Variants in TGM3 observed in about 807,000 individuals in gnomAD.
TGM3 encodes transglutaminase 3.
A neutral mutation model predicts 73.8 loss-of-function variants in TGM3; 52 were observed. The observed-to-expected ratio is 0.70, with a 90% CI of 0.56 to 0.89. The LOEUF (loss-of-function observed/expected upper bound fraction) is 0.89. Ranked by LOEUF, TGM3 falls within the 40% of genes least tolerant of loss-of-function variation. The pLI is 0.00. For missense variants in TGM3, 928 were observed against 909.9 expected, an observed-to-expected ratio of 1.02 and a Z score of -0.26; for synonymous variants, 372 against 354.9, an observed-to-expected ratio of 1.05 and a Z score of -0.54.
At chr20:2,305,305 G>A (rs1380390663) in intron 1 of TGM3, among the ~76,000 whole-genome samples, 2 of 152,204 alleles carry the variant, frequency 1.3e-5, no homozygotes, top group Non-Finnish European at 2.9e-5. Flanking sequence ...CTATCCAGGA[G>A]CTGCCAGTAC....
rs116336942 is a variant in TGM3 at position 2,333,635 on chromosome 20, A to C, written c.1642+1325A>C. On this transcript the variant is annotated intron_variant, in intron 10 of 12. Transcript: ENST00000381458. ...AGTCTCAAACTCCTGGCCTCAAGCA[A>C]TTTTCCCGCCTTGGCTTCCCAAAGT... Among the ~76,000 whole-genome samples, 744 of 152,172 alleles carry C rather than the reference A, an allele frequency of 4.9e-3. 4 individuals are homozygous for C. The highest frequency in any genetic ancestry group is 0.016 in the African/African-American group (681 of 41,502).
Position 2,297,700 on chromosome 20 carries a change from T to C in TGM3, c.7+1630T>C, listed in dbSNP as rs186845444. On this transcript the variant is annotated intron_variant, in intron 1 of 12. Coordinates refer to ENST00000381458, the MANE Select transcript of TGM3 (RefSeq NM_003245.4). ...GAATACATTCAGTCCCTTAAATTTGTCCCACTTGCAGTTCCCAGCTCAGCT... is the reference window on the plus strand; with the variant it reads ...GAATACATTCAGTCCCTTAAATTTGCCCCACTTGCAGTTCCCAGCTCAGCT... Among the ~76,000 whole-genome samples, 19 of 152,246 alleles carry C rather than the reference T, an allele frequency of 1.2e-4. No individual in the cohort carries two copies. The East Asian group carries it at 3.3e-3, about 26-fold the overall frequency.
intron 8 of TGM3, among the ~76,000 whole-genome samples, chr20:2,327,072 T>C (rs1444647452): frequency 4.6e-5 from 7 of 152,142 alleles, no homozygotes; most frequent in African/African-American, 1.7e-4. Context: ...TTAGTGGTTA[T>C]AAAATCTAGT....
At position 2,308,788 on chromosome 20, in the gene TGM3, G is replaced by A. The variant is rs182923482; in HGVS notation, c.8-869G>A. Among the ~76,000 whole-genome samples the A allele has an allele frequency of 1.4e-3, 216 of 152,156 alleles. 2 individuals carry two copies. Among genetic ancestry groups the A allele is most frequent in the South Asian group, 6.9e-3 (33 of 4,814 alleles). ...AACATTTGCTGGATACTGGAGAGGC[G>A]AAACATGCTTGGTGTCTGGGGACAC... On this transcript the variant is annotated intron_variant, in intron 1 of 12. Transcript: ENST00000381458.
chr20:2,309,351 A>G (rs1322944656), intron 1 of TGM3, among the ~76,000 whole-genome samples: 5 of 152,164 alleles, frequency 3.3e-5, no homozygotes, highest in Non-Finnish European at 7.4e-5. Flanking sequence ...GGAGGGGGGA[A>G]AGACACTCTC....
intron 7 of TGM3, among the ~76,000 whole-genome samples, chr20:2,321,531 G>T (rs1311190781): frequency 6.6e-6 from 1 of 152,162 alleles, no homozygotes; most frequent in Non-Finnish European, 1.5e-5. Flanking sequence ...GATTTCAAAG[G>T]TAAGCATAGC....
At chr20:2,311,558 C>T (rs6113662) in intron 4 of TGM3, among the ~76,000 whole-genome samples, 1 of 152,154 alleles carries the variant, frequency 6.6e-6, no homozygotes, top group Admixed American at 6.5e-5. Flanking sequence ...CCTTTTGTTC[C>T]TTTATTACAG....
chr20:2,324,762 T>C (rs1013886780), intron 7 of TGM3, among the ~76,000 whole-genome samples: 1 of 152,228 alleles, frequency 6.6e-6, no homozygotes, highest in Non-Finnish European at 1.5e-5. Flanking sequence ...CCATGTACTT[T>C]ACCCCAACTG....
chr20:2,301,978 G>A (rs781171635), intron 1 of TGM3, among the ~76,000 whole-genome samples: 10 of 152,234 alleles, frequency 6.6e-5, no homozygotes, highest in Non-Finnish European at 1.2e-4. Context: ...TGGGATTACA[G>A]GTGTGAGCCA....
At position 2,325,928 on chromosome 20, in the gene TGM3, G is replaced by C; in HGVS notation, c.1063G>C (p.Ala355Pro). 11 of 1,595,258 alleles carry C rather than the reference G, an allele frequency of 6.9e-6. No homozygotes were observed. The highest frequency in any genetic ancestry group is 8.5e-6 in the Non-Finnish European group (10 of 1,169,786). Residue 355 changes from alanine to proline, a missense_variant, in exon 8 of 13, where the codon GCT (alanine) becomes CCT (proline). Coordinates refer to ENST00000381458, the MANE Select transcript of TGM3 (RefSeq NM_003245.4). ...PSYGGWQVLDATPQERSQGVF... is the reference protein window; with the variant it reads ...PSYGGWQVLDPTPQERSQGVF... ...GTACGGTGGATGGCAGGTGTTGGAT[G>C]CTACCCCGCAGGAAAGAAGCCAAGG...
intron 1 of TGM3, among the ~76,000 whole-genome samples, chr20:2,297,224 C>T (rs2084114038): frequency 6.6e-6 from 1 of 152,226 alleles, no homozygotes; most frequent in African/African-American, 2.4e-5. Flanking sequence ...CCAGCTAGGT[C>T]TCAGCAGTGC....
chr20:2,300,113 A>C (rs2084135008), intron 1 of TGM3, among the ~76,000 whole-genome samples: 1 of 151,794 alleles, frequency 6.6e-6, no homozygotes. Flanking sequence ...TTTAAAAAAA[A>C]AATAAAGAAA....
At chr20:2,333,517 G>A (rs2122249797) in intron 10 of TGM3, among the ~76,000 whole-genome samples, 1 of 152,118 alleles carries the variant, frequency 6.6e-6, no homozygotes, top group East Asian at 1.9e-4. Flanking sequence ...AGTAGCTGTA[G>A]TCCCAAGTAA....
intron 5 of TGM3, among the ~76,000 whole-genome samples, chr20:2,316,421 C>G (rs578214377): frequency 1.1e-5 from 1 of 92,768 alleles, no homozygotes; most frequent in Non-Finnish European, 2.3e-5. Context: ...AAAAGCTAGC[C>G]GGGCATGGTG....
Position 2,332,023 on chromosome 20 carries a change from T to A in TGM3, c.1355T>A (p.Val452Glu). ...YPEGSDQERQ[V>E]FQKALGKLKP... ...ACAGGCTCTGACCAGGAAAGACAAG[T>A]GTTCCAAAAGGCTTTGGGGAAACTT... The change falls in exon 10 of 13, where the codon GTG becomes GAG. Residue 452 changes from valine to glutamate, a missense_variant. By Grantham distance (121) the Val-to-Glu change is moderately radical (BLOSUM62 -2). Transcript: ENST00000381458. The surrounding 1 kb of genome is among the most constrained non-coding windows in gnomAD (Gnocchi z 4.4). 1 of 1,609,840 alleles carries A rather than the reference T, an allele frequency of 6.2e-7. No homozygotes were observed. The highest frequency in any genetic ancestry group is 2.2e-5 in the East Asian group (1 of 44,872).
In TGM3 at chr20:2,328,432, G is replaced by A; in HGVS notation, c.1333+67G>A. 2.5e-6 allele frequency: 4 copies of A among 1,593,378 alleles called. No individual in the cohort carries two copies. The highest frequency in any genetic ancestry group is 3.4e-6 in the Non-Finnish European group (4 of 1,169,096). The stretch of plus-strand genomic sequence containing the variant: ...TTGTGGGAGGATGGCTCTGAGGCTG[G>A]AGAGGAGAAAAGTCCTCACCTCCCC... On this transcript the variant is annotated intron_variant, in intron 9 of 12. Coordinates refer to ENST00000381458, the MANE Select transcript of TGM3 (RefSeq NM_003245.4). This position sits in a 1 kb window ranked among gnomAD's most constrained non-coding sequence, Gnocchi z 5.2.
rs148621114 is a variant in TGM3, at chr20:2,312,963, C to T, written c.606C>T (p.Asp202=). 243 of 1,614,186 alleles carry T rather than the reference C, an allele frequency of 1.5e-4. 2 individuals carry two copies. Among genetic ancestry groups the T allele is most frequent in the South Asian group, 8.3e-4 (76 of 91,082 alleles). The change falls in exon 5 of 13, where the codon GAC becomes GAT. Residue 202 remains aspartate (D), a synonymous_variant. Coordinates refer to ENST00000381458, the MANE Select transcript of TGM3 (RefSeq NM_003245.4). ...ILDRSLNFRR[D]AATDVASRND... ...ATAGGAGTCTGAATTTCCGCCGTGA[C>T]GCTGCTACTGATGTGGCCAGCAGAA... is the stretch of plus-strand genomic sequence containing the variant.
intron 5 of TGM3, among the ~76,000 whole-genome samples, chr20:2,313,996 T>A (rs1298220045): frequency 7.4e-6 from 1 of 134,274 alleles, no homozygotes. Flanking sequence ...CAAAACCCTG[T>A]CTCTACAACA....
At chr20:2,333,676 A>G (rs1433371341) in intron 10 of TGM3, among the ~76,000 whole-genome samples, 4 of 152,210 alleles carry the variant, frequency 2.6e-5, no homozygotes, top group African/African-American at 9.7e-5. Context: ...GATTACAGGC[A>G]TAAGCCACCA....
Sources: gnomAD v4.1 joint callset for allele counts (sites outside exome capture counted in the v4.1 genomes callset) on GRCh38, gnomAD v4.1.1 for gene constraint, Gnocchi (gnomAD v3.1) non-coding constraint, MANE v1.5 for transcripts, NCBI Gene and HGNC (gene_info 2026-07-23, HGNC 2026-07-21) for gene names.